ANOS1: variants seen among roughly 807,000 people sequenced by gnomAD.
ANOS1 encodes anosmin 1, also known as anosmin-1.
In ANOS1, 6 loss-of-function variants were observed where a neutral mutation model predicts 59.0. The ratio of observed to expected loss-of-function variants is 0.10; its 90% CI spans 0.06 to 0.20. The LOEUF is 0.20. Among genes scored for constraint, ANOS1 ranks in the 10% least tolerant of loss-of-function variants. The pLI is 1.00. For synonymous variants in ANOS1, 217 were observed against 223.4 expected (o/e 0.97, Z 0.25); for missense variants, 433 against 542.3 (o/e 0.80, Z 2.00).
intron 1 of ANOS1, among the ~76,000 whole-genome samples, chrX:8,725,663 T>C (rs774497870): frequency 1.8e-4 from 9 of 51,394 alleles, no homozygotes; most frequent in African/African-American, 1.3e-3. Context: ...TATATATATA[T>C]ACAGATATAT....
intron 3 of ANOS1, among the ~76,000 whole-genome samples, chrX:8,602,455 T>C (rs1357305416): frequency 1.8e-5 from 2 of 111,553 alleles, no homozygotes; most frequent in African/African-American, 3.3e-5. Context: ...TAAAATTTCA[T>C]GTGATAATAC....
chrX:8,653,014 C>T (rs951277598), intron 2 of ANOS1, among the ~76,000 whole-genome samples: 5 of 109,873 alleles, frequency 4.6e-5, no homozygotes, highest in Non-Finnish European at 7.6e-5. Flanking sequence ...CAGCACCACA[C>T]TCGGCTAATT....
At chrX:8,551,605 A>C (rs1432806225) in intron 9 of ANOS1, among the ~76,000 whole-genome samples, 1 of 94,124 alleles carries the variant, frequency 1.1e-5, no homozygotes, top group African/African-American at 4.6e-5. Flanking sequence ...AAACTCCATC[A>C]AAAAAAAAAA....
At chrX:8,642,133 T>C (rs975253555) in intron 2 of ANOS1, among the ~76,000 whole-genome samples, 1 of 111,346 alleles carries the variant, frequency 9.0e-6, no homozygotes, top group Non-Finnish European at 1.9e-5. Flanking sequence ...AATGAATGAA[T>C]AAATAAAATG....
rs754341783 is a variant in ANOS1 at position 8,680,162 on chromosome X, CAAAAAAAAAAAA to C, written c.255+19524_255+19535del. ...CCTGGGTGACAGAATGAGACTCCAT[CAAAAAAAAAAAA>C]AAAAAAAAAAAGGCTTTCATGGTAA... On this transcript the variant is annotated intron_variant, in intron 2 of 13. Coordinates refer to ENST00000262648, the MANE Select transcript of ANOS1 (RefSeq NM_000216.4). 1.1e-4 allele frequency among the ~76,000 whole-genome samples: 3 copies of C among 28,517 alleles called. No individual in the cohort carries two copies. In the South Asian group the frequency reaches 7.7e-3, roughly 73 times the overall value. 24.8% of individuals were successfully genotyped at this position (28,517 alleles called of 115,157 possible).
intron 3 of ANOS1, among the ~76,000 whole-genome samples, chrX:8,622,886 A>C (rs975741924): frequency 8.9e-6 from 1 of 112,218 alleles, no homozygotes; most frequent in African/African-American, 3.2e-5. Context: ...ACATTCTCCC[A>C]ATAAGGATGA....
chrX:8,541,418 C>A (rs766353046), intron 9 of ANOS1, among the ~76,000 whole-genome samples: 47 of 98,430 alleles, frequency 4.8e-4, no homozygotes, highest in Middle Eastern at 5.2e-3. Context: ...CACCCCCCCC[C>A]CAAAAACAAA....
chrX:8,725,519 G>GAT (rs762026873), intron 1 of ANOS1, among the ~76,000 whole-genome samples: 19 of 62,354 alleles, frequency 3.0e-4, no homozygotes, highest in Admixed American at 1.4e-3. Context: ...ATTATATACA[G>GAT]ATATATATAT....
At chrX:8,571,346 T>C (rs1011497246) in intron 6 of ANOS1, among the ~76,000 whole-genome samples, 1 of 111,256 alleles carries the variant, frequency 9.0e-6, no homozygotes. Context: ...CAATTCAATG[T>C]GGGTGAATTG....
chrX:8,589,726 T>C (rs1930583172), intron 4 of ANOS1, among the ~76,000 whole-genome samples: 1 of 112,202 alleles, frequency 8.9e-6, no homozygotes, highest in Admixed American at 9.5e-5. Context: ...TAGACTTGGA[T>C]GATTAGCATA....
intron 2 of ANOS1, among the ~76,000 whole-genome samples, chrX:8,649,366 G>A (rs1267738650): frequency 9.0e-6 from 1 of 111,242 alleles, no homozygotes; most frequent in Non-Finnish European, 1.9e-5. Context: ...CTATGTCTAG[G>A]GCAATATATC....
intron 8 of ANOS1, among the ~76,000 whole-genome samples, chrX:8,562,034 G>A (rs553775793): frequency 2.1e-4 from 23 of 110,205 alleles, no homozygotes; most frequent in Non-Finnish European, 3.2e-4. Context: ...TCCGCCTCCC[G>A]GGTTCAAGCC....
At chrX:8,715,387 C>T (rs984522959) in intron 1 of ANOS1, among the ~76,000 whole-genome samples, 5 of 110,612 alleles carry the variant, frequency 4.5e-5, no homozygotes, top group Non-Finnish European at 7.6e-5. Context: ...GCCTCAGACT[C>T]CCAAGTAGCA....
At chrX:8,645,241 G>A (rs766698249) in intron 2 of ANOS1, among the ~76,000 whole-genome samples, 13 of 112,711 alleles carry the variant, frequency 1.2e-4, no homozygotes, top group African/African-American at 3.9e-4. Context: ...GGAGCTGAGT[G>A]CAACATCGAC....
chrX:8,547,869 C>T (rs1929794555), intron 9 of ANOS1, among the ~76,000 whole-genome samples: 1 of 110,932 alleles, frequency 9.0e-6, no homozygotes, highest in Admixed American at 9.6e-5. Context: ...GGCATGCACC[C>T]CCATGCCCGG....
At chrX:8,676,366 G>T (rs1602019756) in intron 2 of ANOS1, among the ~76,000 whole-genome samples, 1 of 112,111 alleles carries the variant, frequency 8.9e-6, no homozygotes. Flanking sequence ...GGAAAACTAA[G>T]ACACATGCAT....
chrX:8,696,622 G>C (rs1295419458), intron 2 of ANOS1, among the ~76,000 whole-genome samples: 2 of 112,704 alleles, frequency 1.8e-5, no homozygotes, highest in Non-Finnish European at 3.7e-5. Context: ...TGAGGACTAT[G>C]CTCTTAATTT....
At chrX:8,619,921 A>G (rs1931259432) in intron 3 of ANOS1, among the ~76,000 whole-genome samples, 1 of 111,877 alleles carries the variant, frequency 8.9e-6, no homozygotes, top group South Asian at 3.7e-4. Flanking sequence ...TATAATTATG[A>G]CTGTTCTTTG....
chrX:8,731,082 G>A (rs964007984), intron 1 of ANOS1, among the ~76,000 whole-genome samples: 2 of 112,306 alleles, frequency 1.8e-5, no homozygotes, highest in African/African-American at 6.5e-5. Flanking sequence ...GGGTTTGGGG[G>A]ACGGTTCCCC....
Sources: gnomAD v4.1 joint callset for allele counts (sites outside exome capture counted in the v4.1 genomes callset) on GRCh38, gnomAD v4.1.1 for gene constraint, MANE v1.5 for transcripts, NCBI Gene and HGNC (gene_info 2026-07-23, HGNC 2026-07-21) for gene names.